BAIAP2L1: variants seen among roughly 807,000 people sequenced by gnomAD.
The protein encoded by BAIAP2L1 is BAR/IMD domain containing adaptor protein 2 like 1.
In BAIAP2L1, 35 loss-of-function variants were observed where a neutral mutation model predicts 66.3. That is an observed-to-expected ratio of 0.53 (90% CI 0.40 to 0.70). The LOEUF (loss-of-function observed/expected upper bound fraction) is 0.70, where lower values mean the gene tolerates loss of function less well. Among genes scored for constraint, BAIAP2L1 ranks in the 30% least tolerant of loss-of-function variants. The pLI, the probability that BAIAP2L1 is intolerant of heterozygous loss-of-function variation, is 0.00. For missense variants in BAIAP2L1, 622 were observed against 656.9 expected, an observed-to-expected ratio of 0.95 and a Z score of 0.58; for synonymous variants, 269 against 248.7, an observed-to-expected ratio of 1.08 and a Z score of -0.77.
chr7:98,334,424 G>GT (rs563728880), intron 3 of BAIAP2L1, among the ~76,000 whole-genome samples: 16 of 151,400 alleles, frequency 1.1e-4, no homozygotes, highest in East Asian at 3.9e-4. Context: ...ATATTAGTCA[G>GT]TTTTTTTTTA....
intron 1 of BAIAP2L1, among the ~76,000 whole-genome samples, chr7:98,368,632 A>G (rs1802441668): frequency 6.6e-6 from 1 of 152,060 alleles, no homozygotes; most frequent in African/African-American, 2.4e-5. Context: ...CGGAGGTTGC[A>G]TTGAGTCGAG....
intron 1 of BAIAP2L1, among the ~76,000 whole-genome samples, chr7:98,368,835 G>A (rs1802446392): frequency 6.7e-6 from 1 of 149,886 alleles, no homozygotes. Flanking sequence ...AGCATTCCAT[G>A]GTATGGATAT....
chr7:98,298,917 C>CT, intron 12 of BAIAP2L1, among the ~76,000 whole-genome samples: 1 of 152,240 alleles, frequency 6.6e-6, no homozygotes, highest in Admixed American at 6.5e-5. Flanking sequence ...TGACAGCTCA[C>CT]TGCAGCCTCG....
chr7:98,386,659 C>A, intron 1 of BAIAP2L1: 24 of 724,710 alleles, frequency 3.3e-5, no homozygotes, highest in Middle Eastern at 4.4e-4. Context: ...TTTTGTCTCT[C>A]ATCGACTTCT....
At chr7:98,295,081 C>A (rs1180557029) in intron 12 of BAIAP2L1, among the ~76,000 whole-genome samples, 1 of 152,212 alleles carries the variant, frequency 6.6e-6, no homozygotes, top group African/African-American at 2.4e-5. Context: ...GTCCCAGCAC[C>A]CCCAGGGGGT....
intron 3 of BAIAP2L1, among the ~76,000 whole-genome samples, chr7:98,348,761 C>T (rs571408079): frequency 6.6e-6 from 1 of 152,324 alleles, no homozygotes; most frequent in South Asian, 2.1e-4. Context: ...CACATCATCT[C>T]ATTTCATCTA....
chr7:98,395,346 G>A (rs2115861449), intron 1 of BAIAP2L1, among the ~76,000 whole-genome samples: 1 of 152,062 alleles, frequency 6.6e-6, no homozygotes, highest in African/African-American at 2.4e-5. Context: ...GTCTGAGGGA[G>A]GAGAATCGCT....
rs777442291 is a variant in BAIAP2L1, at chr7:98,304,205, G to A, written c.1413C>T (p.Thr471=). Reference sequence around the variant, plus strand: ...CTGCGGCTTTACTCACAGGAGCCGCGGTCTCGGGCTTGGACGCTGGGGCCT... The same window carrying A: ...CTGCGGCTTTACTCACAGGAGCCGCAGTCTCGGGCTTGGACGCTGGGGCCT... ...TFKAPASKPE[T]AAPNDANGTA... is the part of the protein sequence containing the mutation. The change falls in exon 12 of 14, where the codon ACC becomes ACT. Residue 471 remains threonine, a synonymous_variant. Coordinates refer to ENST00000005260, the MANE Select transcript of BAIAP2L1 (RefSeq NM_018842.5). 70 of 1,596,748 alleles carry A rather than the reference G, an allele frequency of 4.4e-5. No individual in the cohort carries two copies. Among genetic ancestry groups the A allele is most frequent in the African/African-American group, 8.0e-5 (6 of 74,612 alleles).
chr7:98,339,682 G>A (rs1340303956), intron 3 of BAIAP2L1, among the ~76,000 whole-genome samples: 1 of 152,202 alleles, frequency 6.6e-6, no homozygotes, highest in Non-Finnish European at 1.5e-5. Context: ...GCCCTTTGCT[G>A]CTACCTGTGC....
At chr7:98,352,772 T>C (rs887321562) in intron 3 of BAIAP2L1, among the ~76,000 whole-genome samples, 7 of 152,220 alleles carry the variant, frequency 4.6e-5, no homozygotes, top group African/African-American at 1.4e-4. Flanking sequence ...ATCGTTGCTG[T>C]GGAAATAGCT....
chr7:98,332,791 A>G (rs1283164192), intron 3 of BAIAP2L1, among the ~76,000 whole-genome samples: 2 of 147,646 alleles, frequency 1.4e-5, no homozygotes, highest in Non-Finnish European at 3.0e-5. Flanking sequence ...CCTGGGTTAC[A>G]GAATGAGACT....
intron 1 of BAIAP2L1, among the ~76,000 whole-genome samples, chr7:98,390,070 C>T (rs1399147897): frequency 1.3e-5 from 2 of 151,824 alleles, no homozygotes; most frequent in African/African-American, 2.4e-5. Context: ...CACCCGCCAC[C>T]GCACCCGGCT....
At chr7:98,320,536 G>A (rs771199772) in intron 3 of BAIAP2L1, among the ~76,000 whole-genome samples, 15 of 152,072 alleles carry the variant, frequency 9.9e-5, no homozygotes, top group Non-Finnish European at 1.8e-4. Context: ...GGGTTTCATC[G>A]TGTTGGCCAG....
At position 98,293,114 on chromosome 7, in the gene BAIAP2L1, A is replaced by AT; in HGVS notation, c.*406dup. On this transcript the variant is annotated 3_prime_UTR_variant, in exon 14 of 14. Transcript: ENST00000005260. The stretch of plus-strand genomic sequence containing the variant: ...TGATATCTTCTTTAGACATAATGCT[A>AT]TTAAGAGCACATGCTTTATAAAATA... 2.4e-6 allele frequency: 1 copy of AT among 416,902 alleles called. No homozygotes were observed. The highest frequency in any genetic ancestry group is 3.4e-6 in the Non-Finnish European group (1 of 292,264). The allele number at this position is 416,902 out of a possible 1,614,324, so 25.8% of individuals were successfully genotyped here.
intron 3 of BAIAP2L1, among the ~76,000 whole-genome samples, chr7:98,334,424 G>GTT (rs563728880): frequency 2.0e-5 from 3 of 151,408 alleles, no homozygotes; most frequent in African/African-American, 7.3e-5. Context: ...ATATTAGTCA[G>GTT]TTTTTTTTTA....
chr7:98,384,361 T>C (rs759671209), intron 1 of BAIAP2L1, among the ~76,000 whole-genome samples: 39 of 152,160 alleles, frequency 2.6e-4, no homozygotes, highest in Non-Finnish European at 5.0e-4. Context: ...TAGTTACTGA[T>C]TCTGAAATAG....
chr7:98,400,780 G>A (rs878989093), intron 1 of BAIAP2L1, 22 bp downstream of exon 1: 1 of 1,549,124 alleles, frequency 6.5e-7, no homozygotes. Context: ...TGACCTCCCT[G>A]AGCCCCGGGC....
chr7:98,313,898 G>A (rs1443298375), intron 7 of BAIAP2L1, among the ~76,000 whole-genome samples: 2 of 151,622 alleles, frequency 1.3e-5, no homozygotes, highest in Non-Finnish European at 2.9e-5. Context: ...CCAAAGGGCT[G>A]GGATTATAGG....
Position 98,304,252 on chromosome 7 carries a change from C to T in BAIAP2L1, c.1366G>A (p.Ala456Thr), listed in dbSNP as rs984939810. Residue 456 changes from alanine to threonine, a missense_variant, in exon 12 of 14, where the codon GCC (alanine) becomes ACC (threonine). Physicochemically the swap from Ala to Thr is moderately conservative, Grantham distance 58. Transcript: ENST00000005260. ...GCCTTAAAGGTGGATGTCGTCCTGG[C>T]CGAATCTGCTCTCCTGTCGGCAGCT... Reference protein sequence around the residue: ...GAAADRRADSARTTSTFKAPA... With the variant: ...GAAADRRADSTRTTSTFKAPA... 2 of 1,613,348 alleles carry T rather than the reference C, an allele frequency of 1.2e-6. No homozygotes were observed. Among genetic ancestry groups the T allele is most frequent in the Non-Finnish European group, 1.7e-6 (2 of 1,179,728 alleles).
Sources: gnomAD v4.1 joint callset for allele counts (sites outside exome capture counted in the v4.1 genomes callset) on GRCh38, gnomAD v4.1.1 for gene constraint, MANE v1.5 for transcripts, NCBI Gene and HGNC (gene_info 2026-07-23, HGNC 2026-07-21) for gene names.